ZFYVE16: variants seen among roughly 807,000 people sequenced by gnomAD.
The protein encoded by ZFYVE16 is zinc finger FYVE domain-containing protein 16.
In ZFYVE16, 89 loss-of-function variants were observed where a neutral mutation model predicts 138.1. That is an observed-to-expected ratio of 0.64 (90% CI 0.54 to 0.77). The LOEUF is 0.77. Among genes scored for constraint, ZFYVE16 ranks in the 30% least tolerant of loss-of-function variants. ZFYVE16 has a pLI of 0.00. For missense variants in ZFYVE16, 1,793 were observed against 1,786.7 expected (o/e 1.00, Z -0.06); for synonymous variants, 596 against 618.3 (o/e 0.96, Z 0.53).
intron 15 of ZFYVE16, among the ~76,000 whole-genome samples, chr5:80,461,287 T>C (rs1391471239): frequency 1.3e-5 from 2 of 152,200 alleles, no homozygotes; most frequent in African/African-American, 4.8e-5. Context: ...ACCTGTATTA[T>C]CACACATAAA....
At chr5:80,441,262 G>T in intron 5 of ZFYVE16, 1 of 985,314 alleles carries the variant, frequency 1.0e-6, no homozygotes, top group Non-Finnish European at 1.2e-6. Context: ...CAGATTTTTG[G>T]GTGAACATTC....
chr5:80,465,206 G>T (rs1471083789), intron 15 of ZFYVE16, among the ~76,000 whole-genome samples: 1 of 151,766 alleles, frequency 6.6e-6, no homozygotes, highest in African/African-American at 2.4e-5. Context: ...AGTATTTCTT[G>T]TACTTGAAGT....
At chr5:80,418,024 TTCC>T (rs1417434240) in intron 1 of ZFYVE16, among the ~76,000 whole-genome samples, 1 of 152,190 alleles carries the variant, frequency 6.6e-6, no homozygotes, top group Non-Finnish European at 1.5e-5. Context: ...TAATCTGCAG[TTCC>T]CTAAAGACAA....
chr5:80,443,621 C>T (rs111453381), intron 6 of ZFYVE16, among the ~76,000 whole-genome samples: 91 of 152,228 alleles, frequency 6.0e-4, no homozygotes, highest in African/African-American at 2.1e-3. Flanking sequence ...GAAGAGGCCT[C>T]ATATAGTTGG....
intron 1 of ZFYVE16, among the ~76,000 whole-genome samples, chr5:80,423,903 T>TC (rs1397390665): frequency 6.6e-6 from 1 of 152,056 alleles, no homozygotes; most frequent in Non-Finnish European, 1.5e-5. Flanking sequence ...TTTTCTAGTT[T>TC]CCCAAGGTGG....
chr5:80,450,515 T>C lies in ZFYVE16; in HGVS notation c.3311T>C (p.Leu1104Ser). 1 of 1,613,664 alleles carries C rather than the reference T, an allele frequency of 6.2e-7. No individual in the cohort carries two copies. The highest frequency in any genetic ancestry group is 8.5e-7 in the Non-Finnish European group (1 of 1,179,722). ...QAEIIILLLC[L>S]PNEDTIPKDI... is the part of the protein sequence containing the mutation. ...GAAATTATTATTCTATTGTTATGTTTGCCAAATGAAGATACTATTCCTAAG... is the reference window on the plus strand; with the variant it reads ...GAAATTATTATTCTATTGTTATGTTCGCCAAATGAAGATACTATTCCTAAG... Residue 1104 changes from leucine to serine, a missense_variant, in exon 10 of 19, where the codon TTG (leucine) becomes TCG (serine). Leu to Ser is a moderately radical substitution (Grantham distance 145). Around this residue, in one of 2 missense-constraint regions of ZFYVE16, gnomAD observed 498 missense variants for 582.4 expected, o/e 0.86. Coordinates refer to ENST00000505560, the MANE Select transcript of ZFYVE16 (RefSeq NM_001284236.3).
chr5:80,427,748 G>A (rs576172509), intron 2 of ZFYVE16, among the ~76,000 whole-genome samples: 3 of 150,846 alleles, frequency 2.0e-5, no homozygotes, highest in African/African-American at 7.3e-5. Flanking sequence ...GCTGAGACGG[G>A]CAGAAGACTT....
chr5:80,478,474 C>T lies in ZFYVE16; in HGVS notation c.*1097C>T, dbSNP rs1274627449. The T allele has an allele frequency of 1.3e-5, 2 of 152,036 alleles. No homozygotes were observed. Among genetic ancestry groups the T allele is most frequent in the African/African-American group, 2.4e-5 (1 of 41,432 alleles). 9.4% of individuals were successfully genotyped at this position (152,036 alleles called of 1,614,324 possible). On this transcript the variant is annotated 3_prime_UTR_variant, in exon 19 of 19. Transcript: ENST00000505560. The stretch of plus-strand genomic sequence containing the variant: ...AAATCCTATGTATTTGAAATTGTTA[C>T]AGAGCTTTCCTCTTTACTTCAAACA...
Position 80,436,979 on chromosome 5 carries a change from A to C in ZFYVE16, c.294A>C (p.Thr98=). The C allele has an allele frequency of 6.2e-7, 1 of 1,614,172 alleles. No homozygotes were observed. The highest frequency in any genetic ancestry group is 8.5e-7 in the Non-Finnish European group (1 of 1,180,008). Residue 98 remains threonine (T), a synonymous_variant, in exon 4 of 19, where the codon ACA becomes ACC. Transcript: ENST00000505560. Reference sequence around the variant, plus strand: ...CTATACAAAATGAAAAAAATGTAACAGGACTTGATCTTCTTTCTTCTGTGG... The same window carrying C: ...CTATACAAAATGAAAAAAATGTAACCGGACTTGATCTTCTTTCTTCTGTGG... ...LTSIQNEKNV[T]GLDLLSSVDG... is the part of the protein sequence containing the mutation.
rs1753788191 is a variant in ZFYVE16 at position 80,466,671 on chromosome 5, G to A, written c.4025-6090G>A. On this transcript the variant is annotated intron_variant, in intron 15 of 18. Coordinates refer to ENST00000505560, the MANE Select transcript of ZFYVE16 (RefSeq NM_001284236.3). ...ATTTTCCTATTTCTTTGGATAAAAG[G>A]GTTTCCTATAAAGCTGTGTAACTGA... 3.9e-5 allele frequency among the ~76,000 whole-genome samples: 6 copies of A among 152,194 alleles called. No homozygotes were observed. The South Asian group carries it at 1.2e-3, about 32-fold the overall frequency.
At chr5:80,423,691 A>G (rs1282954854) in intron 1 of ZFYVE16, among the ~76,000 whole-genome samples, 4 of 151,902 alleles carry the variant, frequency 2.6e-5, no homozygotes, top group Non-Finnish European at 4.4e-5. Flanking sequence ...ACCCGCCACC[A>G]TGCCTGGCTA....
At chr5:80,471,792 G>A (rs886208553) in intron 15 of ZFYVE16, among the ~76,000 whole-genome samples, 3 of 152,154 alleles carry the variant, frequency 2.0e-5, no homozygotes, top group Non-Finnish European at 4.4e-5. Flanking sequence ...GTTTTAGTAG[G>A]CAGTTTCATG....
At chr5:80,465,271 C>A (rs1753562964) in intron 15 of ZFYVE16, among the ~76,000 whole-genome samples, 1 of 151,850 alleles carries the variant, frequency 6.6e-6, no homozygotes, top group South Asian at 2.1e-4. Context: ...GCTAATTTCT[C>A]CTTCATTTTT....
rs116101316 is a variant in ZFYVE16 at position 80,477,090 on chromosome 5, T to A, written c.4462-129T>A. 2.1e-3 allele frequency: 1,559 copies of A among 742,434 alleles called. 13 individuals are homozygous for A. Among genetic ancestry groups the A allele is most frequent in the African/African-American group, 0.019 (1,023 of 54,652 alleles). 46.0% of individuals were successfully genotyped at this position (742,434 alleles called of 1,614,324 possible). On this transcript the variant is annotated intron_variant, in intron 18 of 18. Transcript: ENST00000505560. ...GATACAGGAGAATGTAGAATTTTTT[T>A]ATAAATATATCAAATATTTTATTTA...
At chr5:80,441,474 A>G in intron 5 of ZFYVE16, 1 of 985,334 alleles carries the variant, frequency 1.0e-6, no homozygotes. Flanking sequence ...TTCATATGCC[A>G]CAGGAGAGCA....
At position 80,480,169 on chromosome 5, in the gene ZFYVE16, A is replaced by C. The variant is rs1170708564; in HGVS notation, c.*2792A>C. On this transcript the variant is annotated 3_prime_UTR_variant, in exon 19 of 19. Coordinates refer to ENST00000505560, the MANE Select transcript of ZFYVE16 (RefSeq NM_001284236.3). ...CTTGAAGCAATGAAAACAAACTCAC[A>C]GATATAGGTATTAGATTTGTTTTCT... 6.6e-6 allele frequency among the ~76,000 whole-genome samples: 1 copy of C among 152,194 alleles called. No homozygotes were observed. Among genetic ancestry groups the C allele is most frequent in the Non-Finnish European group, 1.5e-5 (1 of 68,032 alleles).
chr5:80,446,521 A>C (rs141634137), intron 7 of ZFYVE16, among the ~76,000 whole-genome samples: 4 of 152,058 alleles, frequency 2.6e-5, no homozygotes, highest in African/African-American at 4.8e-5. Flanking sequence ...ACATATTCTC[A>C]CATCTGGTTC....
chr5:80,459,474 C>G lies in ZFYVE16; in HGVS notation c.4004C>G (p.Ala1335Gly). ...CTAAAAACATCTTCAGGATTTCTTGCTAAGTCCAGCATAGTTGAAGGTATG... is the reference window on the plus strand; with the variant it reads ...CTAAAAACATCTTCAGGATTTCTTGGTAAGTCCAGCATAGTTGAAGGTATG... ...GALKTSSGFL[A>G]KSSIVEDGLM... Residue 1335 changes from alanine (A) to glycine (G), a missense_variant, in exon 15 of 19, where the codon GCT (alanine) becomes GGT (glycine). Transcript: ENST00000505560. The G allele has an allele frequency of 6.2e-7, 1 of 1,612,400 alleles. No individual in the cohort carries two copies. The highest frequency in any genetic ancestry group is 8.5e-7 in the Non-Finnish European group (1 of 1,179,174).
intron 9 of ZFYVE16, 27 bp from the exon 10 acceptor site, chr5:80,450,404 A>T: frequency 6.3e-7 from 1 of 1,599,970 alleles, no homozygotes; most frequent in Non-Finnish European, 8.5e-7. Context: ...AGTTGACATT[A>T]ATAGTTATAT....
Sources: gnomAD v4.1 joint callset for allele counts (sites outside exome capture counted in the v4.1 genomes callset) on GRCh38, gnomAD v4.1.1 for gene constraint, gnomAD v4.1.1 regional missense constraint, MANE v1.5 for transcripts, NCBI Gene and HGNC (gene_info 2026-07-23, HGNC 2026-07-21) for gene names.